Variants in CAMK2D observed in about 807,000 individuals in gnomAD.
The protein encoded by CAMK2D is calcium/calmodulin-dependent protein kinase type II subunit delta.
A neutral mutation model predicts 84.0 loss-of-function variants in CAMK2D; 37 were observed. That is an observed-to-expected ratio of 0.44 (90% CI 0.34 to 0.58). The LOEUF is 0.58. Among genes scored for constraint, CAMK2D ranks in the 20% least tolerant of loss-of-function variants. The probability of loss-of-function intolerance (pLI) is 0.02; values close to 1 mark genes in which losing one functional copy is unlikely to be tolerated. For missense variants in CAMK2D, 448 were observed against 652.5 expected, an observed-to-expected ratio of 0.69 and a Z score of 3.41; for synonymous variants, 202 against 212.5, an observed-to-expected ratio of 0.95 and a Z score of 0.43.
At chr4:113,601,397 A>G (rs2098951433) in intron 4 of CAMK2D, among the ~76,000 whole-genome samples, 1 of 152,186 alleles carries the variant, frequency 6.6e-6, no homozygotes, top group African/African-American at 2.4e-5. Context: ...TTTTTCAATA[A>G]AAGGAACACG....
intron 8 of CAMK2D, among the ~76,000 whole-genome samples, chr4:113,528,428 C>T (rs79655642): frequency 0.028 from 4,290 of 151,882 alleles, 173 homozygotes; most frequent in African/African-American, 0.098. Context: ...CTGCCTCTTA[C>T]CTATGAAGTA....
intron 2 of CAMK2D, among the ~76,000 whole-genome samples, chr4:113,730,702 T>A (rs1383773948): frequency 6.6e-6 from 1 of 152,240 alleles, no homozygotes; most frequent in Non-Finnish European, 1.5e-5. Flanking sequence ...CACCTGGCTA[T>A]AGAAAAGAAT....
At chr4:113,624,213 C>G (rs1460730720) in intron 3 of CAMK2D, among the ~76,000 whole-genome samples, 1 of 152,046 alleles carries the variant, frequency 6.6e-6, no homozygotes, top group Non-Finnish European at 1.5e-5. Context: ...GTAATACATC[C>G]TAAGATTTGA....
At chr4:113,509,401 T>C (rs912168503) in intron 13 of CAMK2D, among the ~76,000 whole-genome samples, 1 of 152,202 alleles carries the variant, frequency 6.6e-6, no homozygotes, top group Non-Finnish European at 1.5e-5. Flanking sequence ...CTATATTGTA[T>C]AACAACATTA....
At chr4:113,708,694 T>C (rs2099472877) in intron 2 of CAMK2D, among the ~76,000 whole-genome samples, 1 of 152,152 alleles carries the variant, frequency 6.6e-6, no homozygotes, top group Non-Finnish European at 1.5e-5. Context: ...ACACGTTTTC[T>C]TCCCTTCAAA....
rs1462001963 is a variant in CAMK2D at position 113,462,326 on chromosome 4, G to GTCTATCTATCTA, written c.1212-2086_1212-2085insTAGATAGATAGA. On this transcript the variant is annotated intron_variant, in intron 17 of 20. Transcript: ENST00000511664. ...TGTCTGTCTGTCTGTCTGTCTGTCT[G>GTCTATCTATCTA]TCTGTCTGTCTGTCTATCTATCTAT... Among the ~76,000 whole-genome samples, 215 of 132,170 alleles carry GTCTATCTATCTA rather than the reference G, an allele frequency of 1.6e-3. 2 individuals carry two copies. The highest frequency in any genetic ancestry group is 4.3e-3 in the Admixed American group (57 of 13,188). 86.7% of individuals were successfully genotyped at this position (132,170 alleles called of 152,430 possible).
chr4:113,738,616 T>A lies in CAMK2D; in HGVS notation c.160+20704A>T, dbSNP rs961713168. Among the ~76,000 whole-genome samples the A allele has an allele frequency of 9.2e-5, 14 of 152,144 alleles. No homozygotes were observed. In the East Asian group the frequency reaches 2.3e-3, roughly 25 times the overall value. On this transcript the variant is annotated intron_variant, in intron 2 of 20. Coordinates refer to ENST00000511664, the MANE Select transcript of CAMK2D (RefSeq NM_001321571.2). ...AACATAACTTTTTATGGTTCCTGTA[T>A]CTCCTTCTTAAGAATCCTGTCTATA...
intron 16 of CAMK2D, among the ~76,000 whole-genome samples, chr4:113,468,265 C>A (rs775936162): frequency 4.6e-5 from 7 of 152,288 alleles, no homozygotes; most frequent in Non-Finnish European, 1.0e-4. Flanking sequence ...CCTGCATAAA[C>A]AAAGCAACAC....
At chr4:113,585,574 G>A (rs2098830054) in intron 4 of CAMK2D, among the ~76,000 whole-genome samples, 1 of 151,922 alleles carries the variant, frequency 6.6e-6, no homozygotes, top group Non-Finnish European at 1.5e-5. Context: ...TATGGTCAGA[G>A]GAAAACTCAG....
In CAMK2D at chr4:113,455,770, C is replaced by T; in HGVS notation, c.1587G>A (p.Leu529=). 1 of 1,612,462 alleles carries T rather than the reference C, an allele frequency of 6.2e-7. No individual in the cohort carries two copies. Among genetic ancestry groups the T allele is most frequent in the Non-Finnish European group, 8.5e-7 (1 of 1,178,780 alleles). ...GKENFSGGTS[L]WQNI ...TTTTCAGGCCTTAGATGTTTTGCCA[C>T]AAAGAGGTGCCTCCTGAGAAGTTTT... The change falls in exon 20 of 21, where the codon TTG becomes TTA. Residue 529 remains leucine (L), a synonymous_variant. Coordinates refer to ENST00000511664, the MANE Select transcript of CAMK2D (RefSeq NM_001321571.2).
intron 6 of CAMK2D, among the ~76,000 whole-genome samples, chr4:113,542,752 C>A (rs1246926372): frequency 1.3e-5 from 2 of 152,162 alleles, no homozygotes; most frequent in Admixed American, 1.3e-4. Context: ...CTTCTCATCT[C>A]CCCCCTTCCC....
intron 2 of CAMK2D, among the ~76,000 whole-genome samples, chr4:113,691,924 T>C (rs1265628316): frequency 6.6e-6 from 1 of 152,186 alleles, no homozygotes; most frequent in Non-Finnish European, 1.5e-5. Flanking sequence ...TGTTGTGCTT[T>C]AATGAAATTT....
intron 17 of CAMK2D, among the ~76,000 whole-genome samples, chr4:113,462,923 C>G (rs1214037459): frequency 2.0e-5 from 3 of 151,824 alleles, no homozygotes; most frequent in Admixed American, 6.6e-5. Flanking sequence ...AAGGATATAA[C>G]AGCAACAAGA....
At chr4:113,538,516 G>C (rs1305908317) in intron 6 of CAMK2D, among the ~76,000 whole-genome samples, 1 of 152,124 alleles carries the variant, frequency 6.6e-6, no homozygotes, top group Non-Finnish European at 1.5e-5. Context: ...GTCTCAGACT[G>C]AAAAAAGTTG....
Position 113,454,478 on chromosome 4 carries a change from A to G in CAMK2D, c.*67T>C, listed in dbSNP as rs765953182. Reference sequence around the variant, plus strand: ...CCAGGGTCACCATCCAGGTGCCTTGAGAACAGAGAATGCAGAAGTGGCACT... The same window carrying G: ...CCAGGGTCACCATCCAGGTGCCTTGGGAACAGAGAATGCAGAAGTGGCACT... On this transcript the variant is annotated 3_prime_UTR_variant, in exon 21 of 21. Transcript: ENST00000511664. 3.9e-6 allele frequency: 3 copies of G among 778,888 alleles called. No homozygotes were observed. The South Asian group carries it at 4.0e-5, about 10-fold the overall frequency. 48.2% of individuals were successfully genotyped at this position (778,888 alleles called of 1,614,324 possible). A position where few individuals can be genotyped will look rare whatever the true frequency, so the allele number is the denominator to read the frequency against.
chr4:113,738,173 A>G (rs984496923), intron 2 of CAMK2D, among the ~76,000 whole-genome samples: 25 of 151,856 alleles, frequency 1.6e-4, no homozygotes, highest in African/African-American at 5.8e-4. Flanking sequence ...GCACAACCCC[A>G]TAAGAATGAG....
intron 3 of CAMK2D, among the ~76,000 whole-genome samples, chr4:113,616,695 G>A (rs755049672): frequency 6.6e-6 from 1 of 152,018 alleles, no homozygotes; most frequent in Non-Finnish European, 1.5e-5. Flanking sequence ...AAAGAAAAAC[G>A]TCATCAATGG....
intron 14 of CAMK2D, among the ~76,000 whole-genome samples, chr4:113,503,566 G>A (rs539396307): frequency 3.9e-5 from 6 of 152,148 alleles, no homozygotes; most frequent in African/African-American, 1.4e-4. Flanking sequence ...AAGTTTAAGG[G>A]ACTAATCATG....
intron 4 of CAMK2D, among the ~76,000 whole-genome samples, chr4:113,604,304 C>A (rs189049139): frequency 6.6e-6 from 1 of 152,164 alleles, no homozygotes; most frequent in Admixed American, 6.5e-5. Flanking sequence ...TTTTCTAAAG[C>A]TGCTTACTTT....
Sources: gnomAD v4.1 joint callset for allele counts (sites outside exome capture counted in the v4.1 genomes callset) on GRCh38, gnomAD v4.1.1 for gene constraint, MANE v1.5 for transcripts, NCBI Gene and HGNC (gene_info 2026-07-23, HGNC 2026-07-21) for gene names.